The following INO80 variants were observed in gnomAD, a reference collection of about 807,000 sequenced individuals.
INO80 encodes the protein chromatin-remodeling ATPase INO80.
A neutral mutation model predicts 203.4 loss-of-function variants in INO80; 20 were observed. The observed-to-expected ratio is 0.10, with a 90% confidence interval of 0.07 to 0.14. The LOEUF is 0.14. Ranked by LOEUF, INO80 falls within the 10% of genes least tolerant of loss-of-function variation. INO80 has a pLI of 1.00. For missense variants in INO80, 1,419 were observed against 1,914.4 expected (o/e 0.74, Z 4.83); for synonymous variants, 726 against 685.2 (o/e 1.06, Z -0.93).
intron 24 of INO80, among the ~76,000 whole-genome samples, chr15:41,033,776 G>A (rs1294766444): frequency 6.6e-6 from 1 of 152,146 alleles, no homozygotes; most frequent in Non-Finnish European, 1.5e-5. Context: ...CTTAGGCCAG[G>A]CGCAGTGGCT....
At chr15:41,097,543 G>A (rs1475380548) in intron 1 of INO80, among the ~76,000 whole-genome samples, 1 of 151,706 alleles carries the variant, frequency 6.6e-6, no homozygotes, top group African/African-American at 2.4e-5. Flanking sequence ...GGTGATCTCA[G>A]CTCACTGCAA....
intron 7 of INO80, among the ~76,000 whole-genome samples, chr15:41,081,541 C>A (rs921469183): frequency 2.0e-5 from 3 of 152,178 alleles, no homozygotes; most frequent in Admixed American, 2.0e-4. Flanking sequence ...GTCACTATTA[C>A]TCAGTTTCTG....
chr15:41,057,518 T>G (rs1215336756), intron 16 of INO80, among the ~76,000 whole-genome samples: 1 of 148,844 alleles, frequency 6.7e-6, no homozygotes, highest in Non-Finnish European at 1.5e-5. Context: ...GATAGAAAGT[T>G]CCACAGAAGG....
chr15:41,080,014 T>C, intron 8 of INO80, 110 bp from the exon 9 acceptor site: 1 of 892,398 alleles, frequency 1.1e-6, no homozygotes, highest in Non-Finnish European at 1.8e-6. Context: ...CTGTCATCCT[T>C]GACCACATCT....
At chr15:40,984,045 A>C (rs1475088038) in intron 33 of INO80, 124 bp from the exon 34 acceptor site, 2 of 1,368,152 alleles carry the variant, frequency 1.5e-6, no homozygotes, top group Admixed American at 2.0e-5. Flanking sequence ...ACCTGTCCTC[A>C]TTTGTTTTTC....
intron 6 of INO80, among the ~76,000 whole-genome samples, chr15:41,086,085 G>C (rs2045558955): frequency 6.6e-6 from 1 of 152,070 alleles, no homozygotes; most frequent in Non-Finnish European, 1.5e-5. Flanking sequence ...AATAGTCAAA[G>C]GAAGGAAACT....
chr15:41,082,317 AC>A lies in INO80; in HGVS notation c.874-1245del, dbSNP rs577131875. 1.2e-3 allele frequency among the ~76,000 whole-genome samples: 176 copies of A among 151,102 alleles called. 1 individual carries two copies. Among genetic ancestry groups the A allele is most frequent in the African/African-American group, 4.1e-3 (170 of 41,150 alleles). On this transcript the variant is annotated intron_variant, in intron 7 of 35. Coordinates refer to ENST00000648947, the MANE Select transcript of INO80 (RefSeq NM_017553.3). ...AGTGGCTTACACCTGCAACCCCGGC[AC>A]TTTGGGAGGTTGAGGCAGGAGGATC...
intron 26 of INO80, chr15:41,019,702 A>C (rs946081775): frequency 3.3e-5 from 5 of 152,212 alleles, no homozygotes; most frequent in African/African-American, 1.2e-4. Flanking sequence ...CATGTGCTTT[A>C]AGTCAGCTAC....
chr15:41,036,404 G>A (rs569154404), intron 24 of INO80, among the ~76,000 whole-genome samples: 3 of 152,156 alleles, frequency 2.0e-5, no homozygotes, highest in Admixed American at 1.3e-4. Flanking sequence ...CCCAAGGAAC[G>A]TGTCACCTCT....
chr15:41,057,131 T>C (rs2045000615), intron 16 of INO80, among the ~76,000 whole-genome samples: 1 of 152,164 alleles, frequency 6.6e-6, no homozygotes, highest in Admixed American at 6.5e-5. Flanking sequence ...GAAGAAAATG[T>C]AAAATGAATC....
chr15:41,103,104 C>T (rs1040984675), intron 1 of INO80, among the ~76,000 whole-genome samples: 1 of 152,146 alleles, frequency 6.6e-6, no homozygotes, highest in African/African-American at 2.4e-5. Context: ...GTTCATCTGT[C>T]TTTCCTATTT....
chr15:40,996,020 T>C (rs1178625937), intron 29 of INO80, among the ~76,000 whole-genome samples: 3 of 152,064 alleles, frequency 2.0e-5, no homozygotes, highest in Non-Finnish European at 4.4e-5. Flanking sequence ...TTACAGAATG[T>C]GTAGTATCAG....
At chr15:41,005,462 A>C (rs1445227909) in intron 28 of INO80, 131 bp downstream of exon 28, 2 of 580,376 alleles carry the variant, frequency 3.4e-6, no homozygotes, top group Non-Finnish European at 6.1e-6. Flanking sequence ...ACTTCTTAAA[A>C]TGGCAGGAAT....
intron 24 of INO80, among the ~76,000 whole-genome samples, chr15:41,034,591 A>G (rs1342178864): frequency 6.6e-6 from 1 of 152,184 alleles, no homozygotes; most frequent in Non-Finnish European, 1.5e-5. Flanking sequence ...AGAATGAAAA[A>G]TTTTCTGCCT....
chr15:41,083,712 C>CAAA (rs10706037), intron 7 of INO80, among the ~76,000 whole-genome samples: 12 of 85,578 alleles, frequency 1.4e-4, no homozygotes, highest in African/African-American at 4.5e-4. Flanking sequence ...GACTCCGTCT[C>CAAA]AAAAAAAAAA....
At chr15:40,980,746 A>C (rs1257203037) in intron 35 of INO80, among the ~76,000 whole-genome samples, 17 of 152,218 alleles carry the variant, frequency 1.1e-4, no homozygotes, top group Admixed American at 1.1e-3. Flanking sequence ...AATCTGAGAC[A>C]CCAAAGTTAC....
At chr15:41,094,068 C>T (rs2045683838) in intron 4 of INO80, among the ~76,000 whole-genome samples, 1 of 151,958 alleles carries the variant, frequency 6.6e-6, no homozygotes, top group Non-Finnish European at 1.5e-5. Flanking sequence ...TACTTCATAG[C>T]AAAAGTATAA....
At chr15:41,047,901 G>A (rs551151706) in intron 22 of INO80, among the ~76,000 whole-genome samples, 2 of 152,278 alleles carry the variant, frequency 1.3e-5, no homozygotes, top group South Asian at 2.1e-4. Context: ...AAGACGGAAG[G>A]AAGTCTCATT....
intron 4 of INO80, among the ~76,000 whole-genome samples, chr15:41,094,148 G>A (rs1303238284): frequency 2.0e-5 from 3 of 152,186 alleles, no homozygotes; most frequent in African/African-American, 7.2e-5. Flanking sequence ...CAGTAATCTT[G>A]TAAGAGTGTA....
Sources: allele counts gnomAD v4.1 joint callset (sites outside exome capture counted in the v4.1 genomes callset), GRCh38; gene constraint gnomAD v4.1.1; transcripts MANE v1.5; gene names NCBI Gene and HGNC (gene_info 2026-07-23, HGNC 2026-07-21).